The following SEC23IP variants were observed in gnomAD, a reference collection of about 807,000 sequenced individuals.
SEC23IP encodes SEC23-interacting protein.
Under a neutral mutation model 113.4 loss-of-function variants are expected in SEC23IP, and 70 were observed. The observed-to-expected ratio is 0.62, with a 90% CI of 0.51 to 0.75. SEC23IP has a LOEUF of 0.75. SEC23IP is among the 30% of genes least tolerant of loss of function. The pLI is 0.00. For synonymous variants in SEC23IP, 398 were observed against 421.0 expected (o/e 0.95, Z 0.67); for missense variants, 1,160 against 1,204.9 (o/e 0.96, Z 0.55).
At chr10:119,910,707 A>G (rs1854827476) in intron 5 of SEC23IP, among the ~76,000 whole-genome samples, 1 of 152,116 alleles carries the variant, frequency 6.6e-6, no homozygotes, top group African/African-American at 2.4e-5. Flanking sequence ...TTTAAGAAAT[A>G]AGGTCTCACT....
Position 119,940,980 on chromosome 10 carries a change from A to G in SEC23IP, c.*415A>G, listed in dbSNP as rs1855947036. The G allele has an allele frequency of 6.6e-6, 1 of 152,202 alleles. No homozygotes were observed. Among genetic ancestry groups the G allele is most frequent in the Non-Finnish European group, 1.5e-5 (1 of 68,032 alleles). 9.4% of individuals were successfully genotyped at this position (152,202 alleles called of 1,614,324 possible). ...GGATTTTTCTTTTTATTAATGCAGT[A>G]TGTTCTTTTTATTCAAGTATGAACT... On this transcript the variant is annotated 3_prime_UTR_variant, in exon 19 of 19. Transcript: ENST00000369075.
intron 2 of SEC23IP, among the ~76,000 whole-genome samples, chr10:119,902,311 C>T (rs2134458922): frequency 6.6e-6 from 1 of 152,268 alleles, no homozygotes; most frequent in East Asian, 1.9e-4. Flanking sequence ...TGCGCCGTTG[C>T]ACTCCAGGCT....
Position 119,898,977 on chromosome 10 carries a change from T to A in SEC23IP, c.696+18T>A. 1 of 1,523,896 alleles carries A rather than the reference T, an allele frequency of 6.6e-7. No homozygotes were observed. Among genetic ancestry groups the A allele is most frequent in the Non-Finnish European group, 8.8e-7 (1 of 1,136,918 alleles). 94.4% of individuals were successfully genotyped at this position (1,523,896 alleles called of 1,614,324 possible). A position where few individuals can be genotyped will look rare whatever the true frequency, so the allele number is the denominator to read the frequency against. ...TGCCACCGGTATGGAGACATGATTTTGTGTCCTACTTATTCACTCTGTGTC... is the reference window on the plus strand; with the variant it reads ...TGCCACCGGTATGGAGACATGATTTAGTGTCCTACTTATTCACTCTGTGTC... On this transcript the variant is annotated intron_variant, in intron 2 of 18. Coordinates refer to ENST00000369075, the MANE Select transcript of SEC23IP (RefSeq NM_007190.4).
intron 18 of SEC23IP, among the ~76,000 whole-genome samples, chr10:119,940,344 T>C (rs10886547): frequency 0.18 from 27,155 of 151,856 alleles, 2,654 homozygotes; most frequent in Non-Finnish European, 0.22. Context: ...CCCGCCACCA[T>C]GCCCAGCTAA....
intron 12 of SEC23IP, 45 bp from the exon 13 acceptor site, chr10:119,925,991 G>C (rs1480141520): frequency 6.6e-7 from 1 of 1,514,378 alleles, no homozygotes; most frequent in Non-Finnish European, 9.0e-7. Context: ...GCTGAGAGCT[G>C]AACTTTTTCT....
intron 12 of SEC23IP, 144 bp from the exon 13 acceptor site, chr10:119,925,892 C>T: frequency 1.4e-6 from 1 of 710,526 alleles, no homozygotes; most frequent in South Asian, 2.3e-5. Context: ...AATAAAAAGG[C>T]ATTTTTTAAA....
chr10:119,923,055 C>T (rs897124557), intron 12 of SEC23IP, among the ~76,000 whole-genome samples: 1 of 150,918 alleles, frequency 6.6e-6, no homozygotes, highest in Non-Finnish European at 1.5e-5. Flanking sequence ...TCAGGCCCTA[C>T]ACCATGTTCT....
intron 1 of SEC23IP, among the ~76,000 whole-genome samples, chr10:119,897,986 C>T (rs945866439): frequency 1.4e-5 from 2 of 145,586 alleles, no homozygotes; most frequent in Non-Finnish European, 3.0e-5. Flanking sequence ...GCCTGGGCGA[C>T]AGAGCGAGAC....
At position 119,915,870 on chromosome 10, in the gene SEC23IP, G is replaced by C; in HGVS notation, c.1525G>C (p.Asp509His). ...PVHWHSSLGG[D>H]ATGVDRNIKK... ...TCATTGGCATAGTTCTTTGGGTGGG[G>C]ACGCCACAGGTGTGGACAGGTTTGT... The change falls in exon 8 of 19, where the codon GAC (aspartate) becomes CAC (histidine). Residue 509 changes from aspartate (D) to histidine (H), a missense_variant. Physicochemically the swap from Asp to His is moderately conservative, Grantham distance 81. Coordinates refer to ENST00000369075, the MANE Select transcript of SEC23IP (RefSeq NM_007190.4). 1.3e-6 allele frequency: 2 copies of C among 1,578,722 alleles called. No individual in the cohort carries two copies. Among genetic ancestry groups the C allele is most frequent in the Middle Eastern group, 1.7e-4 (1 of 5,928 alleles).
At chr10:119,916,049 A>G (rs112967750) in intron 8 of SEC23IP, among the ~76,000 whole-genome samples, 160 bp downstream of exon 8, 60 of 152,330 alleles carry the variant, frequency 3.9e-4, no homozygotes, top group African/African-American at 1.4e-3. Flanking sequence ...TTTACACACT[A>G]CTTTTCTCTC....
intron 1 of SEC23IP, among the ~76,000 whole-genome samples, chr10:119,895,938 G>T (rs948729780): frequency 3.3e-5 from 5 of 152,234 alleles, no homozygotes; most frequent in East Asian, 3.8e-4. Context: ...AGTTCATCTT[G>T]TGGGGTGTTG....
chr10:119,930,753 A>G (rs2134524727), intron 15 of SEC23IP, among the ~76,000 whole-genome samples: 1 of 152,352 alleles, frequency 6.6e-6, no homozygotes, highest in East Asian at 1.9e-4. Context: ...AAAGTAATGA[A>G]CAGACCATCA....
rs1855940558 is a variant in SEC23IP at position 119,940,725 on chromosome 10, G to A, written c.*160G>A. ...TGCTCAGCCACAATTCTCGGATATA[G>A]GGATTCAAAAGACAGGACACAGAAC... On this transcript the variant is annotated 3_prime_UTR_variant, in exon 19 of 19. Transcript: ENST00000369075. 6.6e-6 allele frequency: 1 copy of A among 152,036 alleles called. No individual in the cohort carries two copies. The highest frequency in any genetic ancestry group is 6.5e-5 in the Admixed American group (1 of 15,270). 9.4% of individuals were successfully genotyped at this position (152,036 alleles called of 1,614,324 possible).
At chr10:119,894,543 G>C (rs916362306) in intron 1 of SEC23IP, among the ~76,000 whole-genome samples, 2 of 152,200 alleles carry the variant, frequency 1.3e-5, no homozygotes, top group African/African-American at 4.8e-5. Context: ...ATGGTGTGTG[G>C]TATTTAGTAG....
At chr10:119,940,306 G>A (rs972868608) in intron 18 of SEC23IP, among the ~76,000 whole-genome samples, 1 of 151,292 alleles carries the variant, frequency 6.6e-6, no homozygotes, top group African/African-American at 2.4e-5. Flanking sequence ...TCCTGCCTCA[G>A]CCTCCAGAGT....
intron 4 of SEC23IP, among the ~76,000 whole-genome samples, chr10:119,905,413 T>C (rs550269792): frequency 5.0e-4 from 76 of 152,282 alleles, no homozygotes; most frequent in African/African-American, 1.8e-3. Flanking sequence ...CTATATTTGA[T>C]TTTATATGGG....
intron 1 of SEC23IP, among the ~76,000 whole-genome samples, chr10:119,895,257 G>A (rs1048586587): frequency 2.6e-5 from 4 of 152,140 alleles, no homozygotes; most frequent in Non-Finnish European, 5.9e-5. Flanking sequence ...GGTGGTGGGC[G>A]CCTGTAATCC....
At chr10:119,921,747 T>C (rs527874356) in intron 12 of SEC23IP, among the ~76,000 whole-genome samples, 4 of 152,312 alleles carry the variant, frequency 2.6e-5, no homozygotes, top group African/African-American at 9.6e-5. Context: ...ATCAAATTAA[T>C]TTTACAGAGG....
At position 119,929,402 on chromosome 10, in the gene SEC23IP, TG is replaced by T. The variant is rs377134385; in HGVS notation, c.2314-204del. Among the ~76,000 whole-genome samples, 78 of 152,110 alleles carry T rather than the reference TG, an allele frequency of 5.1e-4. 2 individuals carry two copies. The East Asian group carries it at 0.014, about 27-fold the overall frequency. On this transcript the variant is annotated intron_variant, in intron 13 of 18. Transcript: ENST00000369075. The stretch of plus-strand genomic sequence containing the variant: ...GCGCATGCCACCATGCCTGGCTAAT[TG>T]TTTTATATTTTTAGTAGAGACAGGG...
Sources: allele counts gnomAD v4.1 joint callset (sites outside exome capture counted in the v4.1 genomes callset), GRCh38; gene constraint gnomAD v4.1.1; transcripts MANE v1.5; gene names NCBI Gene and HGNC (gene_info 2026-07-23, HGNC 2026-07-21).